The following RPTOR variants were observed in gnomAD, a reference collection of about 807,000 sequenced individuals.
RPTOR encodes the protein regulatory-associated protein of mTOR.
A neutral mutation model predicts 169.9 loss-of-function variants in RPTOR; 21 were observed. The ratio of observed to expected loss-of-function variants is 0.12; its 90% CI spans 0.09 to 0.18. The LOEUF is 0.18. Ranked by LOEUF, RPTOR falls within the 10% of genes least tolerant of loss-of-function variation. The pLI is 1.00. For missense variants in RPTOR, 1,133 were observed against 1,855.9 expected (o/e 0.61, Z 7.16); for synonymous variants, 732 against 753.2 (o/e 0.97, Z 0.46).
intron 6 of RPTOR, among the ~76,000 whole-genome samples, chr17:80,761,343 A>C (rs2066734529): frequency 6.6e-6 from 1 of 152,194 alleles, no homozygotes; most frequent in Non-Finnish European, 1.5e-5. Flanking sequence ...TTTTGGATTG[A>C]ATAGAGGTCA....
chr17:80,887,759 TC>T (rs1175531420), intron 17 of RPTOR, among the ~76,000 whole-genome samples: 4 of 152,242 alleles, frequency 2.6e-5, no homozygotes, highest in Non-Finnish European at 5.9e-5. Context: ...AATAAAAGTG[TC>T]CTCTCCTGTG....
At chr17:80,712,070 T>G (rs758342930) in intron 4 of RPTOR, among the ~76,000 whole-genome samples, 4 of 152,008 alleles carry the variant, frequency 2.6e-5, no homozygotes, top group Non-Finnish European at 5.9e-5. Context: ...TAGACATCAT[T>G]TTTTTTAAGA....
intron 3 of RPTOR, among the ~76,000 whole-genome samples, chr17:80,706,718 C>G (rs1310070938): frequency 6.6e-6 from 1 of 152,174 alleles, no homozygotes; most frequent in African/African-American, 2.4e-5. Flanking sequence ...TCTGGCCCTT[C>G]GTCCCTGTTT....
At chr17:80,681,605 A>T (rs1050077283) in intron 3 of RPTOR, among the ~76,000 whole-genome samples, 1 of 148,992 alleles carries the variant, frequency 6.7e-6, no homozygotes, top group African/African-American at 2.5e-5. Flanking sequence ...TTACACCTTC[A>T]TGAGGTGTAC....
chr17:80,562,652 C>T lies in RPTOR; in HGVS notation c.162+16861C>T, dbSNP rs185746774. On this transcript the variant is annotated intron_variant, in intron 1 of 33. Transcript: ENST00000306801. This position sits in a 1 kb window ranked among gnomAD's most constrained non-coding sequence, Gnocchi z 4.4. The stretch of plus-strand genomic sequence containing the variant: ...TACAGGAATTATCTGGGTGTGGTGA[C>T]GCACACCTGTAATCCCAGCTACTAA... Among the ~76,000 whole-genome samples the T allele has an allele frequency of 6.6e-5, 10 of 152,188 alleles. No homozygotes were observed. Among genetic ancestry groups the T allele is most frequent in the East Asian group, 1.9e-4 (1 of 5,164 alleles).
rs146314806 is a variant in RPTOR at position 80,698,920 on chromosome 17, G to T, written c.349-8921G>T. 1.8e-3 allele frequency among the ~76,000 whole-genome samples: 281 copies of T among 152,340 alleles called. 2 individuals are homozygous for T. Among genetic ancestry groups the T allele is most frequent in the African/African-American group, 6.4e-3 (267 of 41,584 alleles). On this transcript the variant is annotated intron_variant, in intron 3 of 33. Transcript: ENST00000306801. Reference sequence around the variant, plus strand: ...TGCTGGCCAGGAAGCGCCAGCTTGTGTCTGATTGCTAGGTTACCCTGGGTG... The same window carrying T: ...TGCTGGCCAGGAAGCGCCAGCTTGTTTCTGATTGCTAGGTTACCCTGGGTG...
chr17:80,919,168 T>A (rs901778219), intron 21 of RPTOR, among the ~76,000 whole-genome samples: 3 of 152,228 alleles, frequency 2.0e-5, no homozygotes, highest in African/African-American at 7.2e-5. Context: ...TTTAATGGAA[T>A]AATACCTAGG....
rs529228131 is a variant in RPTOR at position 80,585,503 on chromosome 17, C to T, written c.162+39712C>T. Among the ~76,000 whole-genome samples, 308 of 146,826 alleles carry T rather than the reference C, an allele frequency of 2.1e-3. 3 individuals are homozygous for T. The Middle Eastern group carries it at 0.024, about 12-fold the overall frequency. On this transcript the variant is annotated intron_variant, in intron 1 of 33. Transcript: ENST00000306801. ...ACAGGCGTGAGCCACCGCGGCTGGCCGGTTTATTATTTTTTCCTCAGTGCC... is the reference window on the plus strand; with the variant it reads ...ACAGGCGTGAGCCACCGCGGCTGGCTGGTTTATTATTTTTTCCTCAGTGCC...
intron 2 of RPTOR, among the ~76,000 whole-genome samples, chr17:80,627,239 C>T (rs1011400031): frequency 6.6e-6 from 1 of 152,214 alleles, no homozygotes; most frequent in Non-Finnish European, 1.5e-5. Context: ...AGGCTGGTCT[C>T]AAACTCCTGA....
rs2065332362 is a variant in RPTOR at position 80,618,738 on chromosome 17, C to T, written c.163-6953C>T. ...GAGCTGAGCTCATAGATTCAAGCACCTCTCCCCTCATTCCCAATTCCCATT... is the reference window on the plus strand; with the variant it reads ...GAGCTGAGCTCATAGATTCAAGCACTTCTCCCCTCATTCCCAATTCCCATT... On this transcript the variant is annotated intron_variant, in intron 1 of 33. Transcript: ENST00000306801. Among the ~76,000 whole-genome samples the T allele has an allele frequency of 2.0e-5, 3 of 151,952 alleles. No homozygotes were observed. The South Asian group carries it at 6.2e-4, about 31-fold the overall frequency.
At chr17:80,868,997 C>G (rs2068022782) in intron 13 of RPTOR, among the ~76,000 whole-genome samples, 1 of 152,170 alleles carries the variant, frequency 6.6e-6, no homozygotes, top group Admixed American at 6.5e-5. Context: ...CAGACCCCAC[C>G]TAGACTGTGG....
intron 24 of RPTOR, among the ~76,000 whole-genome samples, chr17:80,931,469 T>C (rs2068896593): frequency 6.6e-6 from 1 of 152,194 alleles, no homozygotes; most frequent in Admixed American, 6.5e-5. Context: ...GCACAGGCCA[T>C]GGACGTCCAC....
At chr17:80,625,827 G>C (rs1408470851) in intron 2 of RPTOR, 34 bp downstream of exon 2, 1 of 1,480,726 alleles carries the variant, frequency 6.8e-7, no homozygotes, top group Admixed American at 1.7e-5. Context: ...TGCCACAAAG[G>C]CCGTCTGGCC....
At chr17:80,607,773 T>C (rs2065239450) in intron 1 of RPTOR, among the ~76,000 whole-genome samples, 1 of 152,064 alleles carries the variant, frequency 6.6e-6, no homozygotes, top group African/African-American at 2.4e-5. Flanking sequence ...ACCTGCTCGT[T>C]GTACCACCTG....
intron 1 of RPTOR, among the ~76,000 whole-genome samples, chr17:80,584,203 T>A (rs2065040381): frequency 6.6e-6 from 1 of 152,186 alleles, no homozygotes. Context: ...TGTCCTGACT[T>A]GAATTGCACT....
chr17:80,564,873 T>A (rs1169040711), intron 1 of RPTOR, among the ~76,000 whole-genome samples: 4 of 152,246 alleles, frequency 2.6e-5, no homozygotes. Context: ...CCGTGTTAGT[T>A]TGCTAAGGAT....
At chr17:80,579,738 A>C (rs561708011) in intron 1 of RPTOR, among the ~76,000 whole-genome samples, 1 of 152,218 alleles carries the variant, frequency 6.6e-6, no homozygotes, top group Non-Finnish European at 1.5e-5. Context: ...TAAATGAAAA[A>C]GTTCAACCTT....
chr17:80,958,195 T>TCC (rs1259862394), intron 29 of RPTOR, among the ~76,000 whole-genome samples: 9 of 27,646 alleles, frequency 3.3e-4, no homozygotes, highest in Non-Finnish European at 4.8e-4. Flanking sequence ...TCCTCCCACC[T>TCC]CACCCCCCCC....
At chr17:80,891,669 A>T in intron 17 of RPTOR, 51 bp from the exon 18 acceptor site, 1 of 1,268,286 alleles carries the variant, frequency 7.9e-7, no homozygotes, top group Non-Finnish European at 1.1e-6. Flanking sequence ...GCTGCTCCAC[A>T]ATCATTTTCC....
Sources: gnomAD v4.1 joint callset for allele counts (sites outside exome capture counted in the v4.1 genomes callset) on GRCh38, gnomAD v4.1.1 for gene constraint, Gnocchi (gnomAD v3.1) non-coding constraint, MANE v1.5 for transcripts, NCBI Gene and HGNC (gene_info 2026-07-23, HGNC 2026-07-21) for gene names.